SHISA5: variants seen among roughly 807,000 people sequenced by gnomAD.
SHISA5 encodes protein shisa-5.
Under a neutral mutation model 27.5 loss-of-function variants are expected in SHISA5, and 21 were observed. The observed-to-expected ratio is 0.76, with a 90% CI of 0.54 to 1.10. The LOEUF is 1.10. SHISA5 is among the 50% of genes least tolerant of loss of function. SHISA5 has a pLI of 0.00. For missense variants in SHISA5, 314 were observed against 336.3 expected (o/e 0.93, Z 0.52); for synonymous variants, 137 against 142.2 (o/e 0.96, Z 0.26).
rs1044300695 is a variant in SHISA5, at chr3:48,468,133, C to T, written c.*974G>A. ...GTTGCATATTCCATGAGGCTGGTGT[C>T]GGGAAGCAGGGACTCACAGTTGCCA... is the stretch of plus-strand genomic sequence containing the variant. On this transcript the variant is annotated 3_prime_UTR_variant, in exon 6 of 6. Transcript: ENST00000296444. 3.0e-6 allele frequency: 3 copies of T among 997,778 alleles called. No individual in the cohort carries two copies. Among genetic ancestry groups the T allele is most frequent in the African/African-American group, 1.7e-5 (1 of 57,354 alleles). The allele number at this position is 997,778 out of a possible 1,614,324, so 61.8% of individuals were successfully genotyped here. A position where few individuals can be genotyped will look rare whatever the true frequency, so the allele number is the denominator to read the frequency against.
intron 2 of SHISA5, among the ~76,000 whole-genome samples, chr3:48,485,498 T>C (rs1053225583): frequency 7.0e-6 from 1 of 141,922 alleles, no homozygotes; most frequent in Non-Finnish European, 1.5e-5. Context: ...CAAAACTCCA[T>C]CTCAAAAAAT....
intron 1 of SHISA5, among the ~76,000 whole-genome samples, chr3:48,501,577 TGG>T (rs1415647202): frequency 6.6e-6 from 1 of 152,100 alleles, no homozygotes; most frequent in Non-Finnish European, 1.5e-5. Flanking sequence ...GTGAGTCTGA[TGG>T]GGCCACACCC....
intron 2 of SHISA5, among the ~76,000 whole-genome samples, chr3:48,490,987 C>T (rs1025517442): frequency 6.6e-6 from 1 of 152,222 alleles, no homozygotes; most frequent in Non-Finnish European, 1.5e-5. Flanking sequence ...TTCTATCAAT[C>T]AATTTTGTCT....
At chr3:48,482,098 CA>C (rs60857818) in intron 2 of SHISA5, among the ~76,000 whole-genome samples, 2,638 of 64,748 alleles carry the variant, frequency 0.041, 32 homozygotes, top group African/African-American at 0.063. Context: ...GACTCTGTCT[CA>C]AAAAAAAAAA....
intron 2 of SHISA5, among the ~76,000 whole-genome samples, chr3:48,479,986 C>T (rs1352295529): frequency 1.3e-5 from 2 of 151,612 alleles, no homozygotes; most frequent in Non-Finnish European, 2.9e-5. Context: ...TCACTGCAAG[C>T]TCCGCCTCCC....
chr3:48,475,812 G>C (rs2040806487), intron 3 of SHISA5, among the ~76,000 whole-genome samples: 1 of 152,228 alleles, frequency 6.6e-6, no homozygotes, highest in Non-Finnish European at 1.5e-5. Flanking sequence ...AAACAACCAG[G>C]AGACTATCTG....
chr3:48,482,068 C>CGAAA (rs2041041054), intron 2 of SHISA5, among the ~76,000 whole-genome samples: 3 of 73,164 alleles, frequency 4.1e-5, no homozygotes, highest in South Asian at 5.3e-4. Context: ...GACTCTGTCT[C>CGAAA]ACAAAAAAGA....
intron 2 of SHISA5, among the ~76,000 whole-genome samples, chr3:48,482,586 G>A (rs1439195787): frequency 6.6e-6 from 1 of 152,028 alleles, no homozygotes; most frequent in Non-Finnish European, 1.5e-5. Context: ...TATATTGGAA[G>A]GGAAATAGTT....
In SHISA5 at chr3:48,503,310, G is replaced by A. The variant is rs528328620; in HGVS notation, c.76+709C>T. On this transcript the variant is annotated intron_variant, in intron 1 of 5. Coordinates refer to ENST00000296444, the MANE Select transcript of SHISA5 (RefSeq NM_016479.6). ...CTACAGGCTCACTCCAGGAGTGGGC[G>A]GATTCTGGGCACAAGTCTCCCCTTT... 144 of 541,956 alleles carry A rather than the reference G, an allele frequency of 2.7e-4. 1 individual carries two copies. Among genetic ancestry groups the A allele is most frequent in the South Asian group, 2.0e-3 (132 of 65,218 alleles). 33.6% of individuals were successfully genotyped at this position (541,956 alleles called of 1,614,324 possible).
rs1057493272 is a variant in SHISA5, at chr3:48,493,074, T to C, written c.233+8063A>G. Among the ~76,000 whole-genome samples, 43 of 147,372 alleles carry C rather than the reference T, an allele frequency of 2.9e-4. 1 individual carries two copies. In the East Asian group the frequency reaches 8.1e-3, roughly 28 times the overall value. ...ACTAAGGATATGCTGGGCCATAAAATGTACTGAAATCTTGAAAACGGCACA... is the reference window on the plus strand; with the variant it reads ...ACTAAGGATATGCTGGGCCATAAAACGTACTGAAATCTTGAAAACGGCACA... On this transcript the variant is annotated intron_variant, in intron 2 of 5. Transcript: ENST00000296444.
At chr3:48,495,751 G>C (rs1162232093) in intron 2 of SHISA5, among the ~76,000 whole-genome samples, 1 of 147,372 alleles carries the variant, frequency 6.8e-6, no homozygotes, top group African/African-American at 2.7e-5. Context: ...TCGAACTCCA[G>C]ACCTCGTGAT....
intron 2 of SHISA5, among the ~76,000 whole-genome samples, chr3:48,495,329 C>CGACG (rs2041512182): frequency 1.7e-5 from 2 of 119,680 alleles, no homozygotes; most frequent in Non-Finnish European, 3.2e-5. Flanking sequence ...TTTTACGACG[C>CGACG]TTTTTTTTTT....
intron 2 of SHISA5, among the ~76,000 whole-genome samples, chr3:48,483,077 A>G (rs1280357133): frequency 6.7e-6 from 1 of 149,026 alleles, no homozygotes; most frequent in Non-Finnish European, 1.5e-5. Context: ...GGCACATGCC[A>G]TCCCACCTAG....
intron 3 of SHISA5, among the ~76,000 whole-genome samples, chr3:48,471,958 G>A (rs1192283152): frequency 4.6e-5 from 7 of 152,076 alleles, no homozygotes; most frequent in Non-Finnish European, 7.4e-5. Context: ...CGAAGTGGGC[G>A]GATCGCTTGA....
At chr3:48,475,330 G>A (rs892571778) in intron 3 of SHISA5, among the ~76,000 whole-genome samples, 3 of 152,102 alleles carry the variant, frequency 2.0e-5, no homozygotes, top group Admixed American at 6.6e-5. Flanking sequence ...CAAGGCTGGG[G>A]CCAAGCTCAA....
chr3:48,496,240 C>T (rs570929562), intron 2 of SHISA5, among the ~76,000 whole-genome samples: 60 of 147,396 alleles, frequency 4.1e-4, no homozygotes, highest in African/African-American at 1.4e-3. Flanking sequence ...TGCAGTGAGC[C>T]GAGATTGTGC....
intron 2 of SHISA5, among the ~76,000 whole-genome samples, chr3:48,492,150 CAAAAAAAAAAAAAAAAAAAAAAA>C (rs1169630533): frequency 6.3e-4 from 12 of 18,920 alleles, no homozygotes; most frequent in South Asian, 3.2e-3. Flanking sequence ...GACTCCATCT[CAAAAAAAAAAAAAAAAAAAAAAA>C]AAAAAAAAAA....
chr3:48,503,988 G>T, intron 1 of SHISA5, 31 bp downstream of exon 1: 1 of 1,456,934 alleles, frequency 6.9e-7, no homozygotes, highest in Non-Finnish European at 9.1e-7. Flanking sequence ...CGGTCCCAGG[G>T]CAGGACGGGC....
Position 48,469,221 on chromosome 3 carries a change from A to T in SHISA5, c.644-35T>A, listed in dbSNP as rs368320309. On this transcript the variant is annotated intron_variant, in intron 5 of 5. Transcript: ENST00000296444. The surrounding 1 kb of genome is among the most constrained non-coding windows in gnomAD (Gnocchi z 4.6). ...GAGAGGACCCTGGTTGGCTGTGAGCATGGTGGGCTGCCGTGTGAGTGGCAG... is the reference window on the plus strand; with the variant it reads ...GAGAGGACCCTGGTTGGCTGTGAGCTTGGTGGGCTGCCGTGTGAGTGGCAG... 6 of 1,605,426 alleles carry T rather than the reference A, an allele frequency of 3.7e-6. No individual in the cohort carries two copies. The highest frequency in any genetic ancestry group is 4.2e-6 in the Non-Finnish European group (5 of 1,176,504).
Sources: gnomAD v4.1 joint callset for allele counts (sites outside exome capture counted in the v4.1 genomes callset) on GRCh38, gnomAD v4.1.1 for gene constraint, Gnocchi (gnomAD v3.1) non-coding constraint, MANE v1.5 for transcripts, NCBI Gene and HGNC (gene_info 2026-07-23, HGNC 2026-07-21) for gene names.